ZFPM2: variants seen among roughly 807,000 people sequenced by gnomAD.
ZFPM2 encodes zinc finger protein, FOG family member 2.
ZFPM2 carries 20 observed loss-of-function variants against 98.6 expected under a neutral mutation model. That is an observed-to-expected ratio of 0.20 (90% confidence interval 0.14 to 0.29). ZFPM2 has a LOEUF of 0.29. Ranked by LOEUF, ZFPM2 falls within the 10% of genes least tolerant of loss-of-function variation. The pLI, the probability that ZFPM2 is intolerant of heterozygous loss-of-function variation, is 1.00. For synonymous variants in ZFPM2, 518 were observed against 502.7 expected, an observed-to-expected ratio of 1.03 and a Z score of -0.41; for missense variants, 1,310 against 1,388.6, an observed-to-expected ratio of 0.94 and a Z score of 0.90.
Position 105,430,639 on chromosome 8 carries a change from C to T in ZFPM2, c.199+11337C>T, listed in dbSNP as rs190726935. 1.2e-3 allele frequency among the ~76,000 whole-genome samples: 184 copies of T among 152,278 alleles called. 1 individual carries two copies. The highest frequency in any genetic ancestry group is 3.4e-3 in the Middle Eastern group (1 of 294). On this transcript the variant is annotated intron_variant, in intron 2 of 7. Coordinates refer to ENST00000407775, the MANE Select transcript of ZFPM2 (RefSeq NM_012082.4). ...GGTGTTATCACCAGCAGCCAAGAAC[C>T]TGTTGCTGGCACTAAGGGAGGAGAC...
intron 5 of ZFPM2, among the ~76,000 whole-genome samples, chr8:105,657,319 A>T (rs2130879958): frequency 6.6e-6 from 1 of 152,162 alleles, no homozygotes. Flanking sequence ...TTGTATTCTT[A>T]GTAGAAACGG....
intron 1 of ZFPM2, among the ~76,000 whole-genome samples, chr8:105,406,871 AT>A (rs1811470367): frequency 6.6e-6 from 1 of 151,980 alleles, no homozygotes; most frequent in African/African-American, 2.4e-5. Context: ...GCACCATAAT[AT>A]TTTTCTAAAA....
At chr8:105,741,545 T>G (rs1812215350) in intron 5 of ZFPM2, among the ~76,000 whole-genome samples, 1 of 152,082 alleles carries the variant, frequency 6.6e-6, no homozygotes, top group South Asian at 2.1e-4. Context: ...ACATCCGTGG[T>G]CATAGATGTC....
intron 3 of ZFPM2, among the ~76,000 whole-genome samples, chr8:105,512,679 A>G (rs990949403): frequency 5.3e-5 from 8 of 152,188 alleles, no homozygotes; most frequent in Admixed American, 2.0e-4. Context: ...AAAAATTTCA[A>G]TGATTTAATA....
At chr8:105,741,904 G>A (rs955133767) in intron 5 of ZFPM2, among the ~76,000 whole-genome samples, 1 of 152,066 alleles carries the variant, frequency 6.6e-6, no homozygotes, top group African/African-American at 2.4e-5. Flanking sequence ...TGAGGGAATT[G>A]AGAATATTTT....
At chr8:105,411,341 T>C (rs1038113838) in intron 1 of ZFPM2, among the ~76,000 whole-genome samples, 1 of 151,774 alleles carries the variant, frequency 6.6e-6, no homozygotes, top group Non-Finnish European at 1.5e-5. Flanking sequence ...CAGTCTCATA[T>C]CTTGTGAATA....
At chr8:105,336,645 G>C (rs1347272994) in intron 1 of ZFPM2, among the ~76,000 whole-genome samples, 1 of 150,514 alleles carries the variant, frequency 6.6e-6, no homozygotes, top group Non-Finnish European at 1.5e-5. Context: ...GCTTCACTGG[G>C]AAACGCTTTA....
At chr8:105,655,760 A>G (rs946743770) in intron 5 of ZFPM2, among the ~76,000 whole-genome samples, 4 of 152,220 alleles carry the variant, frequency 2.6e-5, no homozygotes, top group Non-Finnish European at 5.9e-5. Context: ...CACAGTACAA[A>G]CAAAGCACTG....
chr8:105,750,951 T>G (rs1208342109), intron 5 of ZFPM2, among the ~76,000 whole-genome samples: 3 of 152,124 alleles, frequency 2.0e-5, no homozygotes, highest in Non-Finnish European at 4.4e-5. Context: ...TGAGGGAGAC[T>G]GTATTCTCAT....
At position 105,500,334 on chromosome 8, in the gene ZFPM2, AT is replaced by A. The variant is rs1309492344; in HGVS notation, c.301+55956del. On this transcript the variant is annotated intron_variant, in intron 3 of 7. Coordinates refer to ENST00000407775, the MANE Select transcript of ZFPM2 (RefSeq NM_012082.4). ...TAAGATAAGGAAATACCTTGCTTAA[AT>A]TTGAGAATAAACAGAATAGTTGAAT... Among the ~76,000 whole-genome samples, 8 of 152,174 alleles carry A rather than the reference AT, an allele frequency of 5.3e-5. No individual in the cohort carries two copies. In the East Asian group the frequency reaches 1.5e-3, roughly 29 times the overall value.
intron 1 of ZFPM2, among the ~76,000 whole-genome samples, chr8:105,388,207 A>G (rs1322175260): frequency 1.3e-5 from 2 of 152,156 alleles, no homozygotes; most frequent in African/African-American, 2.4e-5. Context: ...ATGAATGTGC[A>G]CACACACACA....
chr8:105,584,857 T>C (rs1815678761), intron 4 of ZFPM2, among the ~76,000 whole-genome samples: 1 of 152,136 alleles, frequency 6.6e-6, no homozygotes, highest in Admixed American at 6.5e-5. Context: ...GAACTGTTAT[T>C]TGTAACTCTA....
At chr8:105,674,417 G>C (rs1817650831) in intron 5 of ZFPM2, among the ~76,000 whole-genome samples, 1 of 152,172 alleles carries the variant, frequency 6.6e-6, no homozygotes. Flanking sequence ...TATAAAGTAA[G>C]CATAGCCGTA....
chr8:105,771,489 G>T (rs935149182), intron 5 of ZFPM2, among the ~76,000 whole-genome samples: 3 of 152,126 alleles, frequency 2.0e-5, no homozygotes, highest in African/African-American at 4.8e-5. Flanking sequence ...ACAATGGTGT[G>T]CTCTTAAGTA....
intron 3 of ZFPM2, among the ~76,000 whole-genome samples, chr8:105,456,153 TTTG>T (rs1226982422): frequency 1.3e-4 from 14 of 110,480 alleles, no homozygotes; most frequent in African/African-American, 4.3e-4. Context: ...AATGTTTTTT[TTTG>T]TTTGTTTGTT....
chr8:105,720,972 G>T (rs1194644711), intron 5 of ZFPM2, among the ~76,000 whole-genome samples: 1 of 151,710 alleles, frequency 6.6e-6, no homozygotes, highest in South Asian at 2.1e-4. Flanking sequence ...TTGTGGAAGA[G>T]AAAGTCGAAA....
At chr8:105,708,500 G>A (rs1446729744) in intron 5 of ZFPM2, among the ~76,000 whole-genome samples, 1 of 152,174 alleles carries the variant, frequency 6.6e-6, no homozygotes, top group Admixed American at 6.5e-5. Context: ...TGTGATCACG[G>A]CTCACTGCAC....
At chr8:105,744,897 T>C (rs1045916646) in intron 5 of ZFPM2, among the ~76,000 whole-genome samples, 5 of 152,140 alleles carry the variant, frequency 3.3e-5, no homozygotes, top group Admixed American at 1.3e-4. Flanking sequence ...TCTCACAACT[T>C]CATGTAGGAA....
intron 5 of ZFPM2, among the ~76,000 whole-genome samples, chr8:105,754,881 G>T (rs914080021): frequency 6.6e-6 from 1 of 152,012 alleles, no homozygotes; most frequent in African/African-American, 2.4e-5. Context: ...GAACAAGTCT[G>T]CCATAGATAT....
Sources: allele counts gnomAD v4.1 joint callset (sites outside exome capture counted in the v4.1 genomes callset), GRCh38; gene constraint gnomAD v4.1.1; transcripts MANE v1.5; gene names NCBI Gene and HGNC (gene_info 2026-07-23, HGNC 2026-07-21).